The following GRIP1 variants were observed in gnomAD, a reference collection of about 807,000 sequenced individuals.
The protein encoded by GRIP1 is glutamate receptor-interacting protein 1.
Under a neutral mutation model 129.9 loss-of-function variants are expected in GRIP1, and 45 were observed. The observed-to-expected ratio is 0.35, with a 90% CI of 0.27 to 0.44. GRIP1 has a LOEUF of 0.44. GRIP1 is among the 20% of genes least tolerant of loss of function. GRIP1 has a pLI of 1.00. For synonymous variants in GRIP1, 530 were observed against 520.8 expected, an observed-to-expected ratio of 1.02 and a Z score of -0.24; for missense variants, 1,196 against 1,396.8, an observed-to-expected ratio of 0.86 and a Z score of 2.29.
chr12:66,703,098 C>T (rs534625691), intron 1 of GRIP1, among the ~76,000 whole-genome samples: 1 of 152,070 alleles, frequency 6.6e-6, no homozygotes, highest in South Asian at 2.1e-4. Context: ...GATCTAATAG[C>T]CGGGAGAAAA....
chr12:66,627,296 T>TACCAAACAG (rs1410943319), intron 1 of GRIP1, among the ~76,000 whole-genome samples: 2 of 152,228 alleles, frequency 1.3e-5, no homozygotes, highest in African/African-American at 2.4e-5. Flanking sequence ...CTGGCAGGAC[T>TACCAAACAG]ACCAAACAGA....
intron 1 of GRIP1, among the ~76,000 whole-genome samples, chr12:67,003,590 G>C (rs1180564914): frequency 6.6e-6 from 1 of 152,108 alleles, no homozygotes; most frequent in Admixed American, 6.5e-5. Context: ...CTACTCGGGA[G>C]GCTGAGGCAG....
chr12:66,832,219 T>G lies in GRIP1; in HGVS notation c.59-235292A>C, dbSNP rs370035930. Among the ~76,000 whole-genome samples, 40 of 152,322 alleles carry G rather than the reference T, an allele frequency of 2.6e-4. No homozygotes were observed. The South Asian group carries it at 7.0e-3, about 27-fold the overall frequency. ...TCCCTTCTGAAATTCTTACCTTAGT[T>G]TGCAATACCTCTAGAGAAAAATATT... On this transcript the variant is annotated intron_variant, in intron 1 of 1. Transcript: ENST00000643019.
Position 66,455,405 on chromosome 12 carries a change from T to A in GRIP1, c.1354+4A>T, listed in dbSNP as rs780892689. Reference sequence around the variant, plus strand: ...CAAATGCCATTGGCTGTCATTTCACTTACATGAGCTTTTGAAGTCTTTCTT... The same window carrying A: ...CAAATGCCATTGGCTGTCATTTCACATACATGAGCTTTTGAAGTCTTTCTT... On this transcript the variant is annotated splice_donor_region_variant and intron_variant, in intron 11 of 24. Coordinates refer to ENST00000359742, the MANE Select transcript of GRIP1 (RefSeq NM_001366722.1). 6.2e-7 allele frequency: 1 copy of A among 1,613,940 alleles called. No individual in the cohort carries two copies. Among genetic ancestry groups the A allele is most frequent in the African/African-American group, 1.3e-5 (1 of 74,940 alleles).
At chr12:66,411,674 T>C (rs1376814791) in intron 15 of GRIP1, among the ~76,000 whole-genome samples, 1 of 152,162 alleles carries the variant, frequency 6.6e-6, no homozygotes, top group Non-Finnish European at 1.5e-5. Context: ...TGGGTAATAA[T>C]GAACTTCACT....
At chr12:66,744,428 A>G (rs930504319) in intron 1 of GRIP1, among the ~76,000 whole-genome samples, 2 of 152,092 alleles carry the variant, frequency 1.3e-5, no homozygotes, top group Non-Finnish European at 2.9e-5. Context: ...CTACACAGAT[A>G]TTTTTGATGA....
intron 7 of GRIP1, among the ~76,000 whole-genome samples, chr12:66,495,476 T>C (rs1217293407): frequency 1.3e-5 from 2 of 152,198 alleles, no homozygotes; most frequent in Non-Finnish European, 2.9e-5. Flanking sequence ...TTATAATCTA[T>C]AACTAATGAA....
chr12:66,718,148 C>G (rs1016305099), intron 1 of GRIP1, among the ~76,000 whole-genome samples: 2 of 152,142 alleles, frequency 1.3e-5, no homozygotes, highest in Non-Finnish European at 2.9e-5. Flanking sequence ...GCTGGTCACT[C>G]CTCCCCGGCT....
At chr12:66,695,626 G>C (rs928167365) in intron 1 of GRIP1, among the ~76,000 whole-genome samples, 3 of 152,202 alleles carry the variant, frequency 2.0e-5, no homozygotes, top group African/African-American at 7.2e-5. Context: ...AAGCACTGGG[G>C]AGGGAACTAG....
At chr12:66,979,446 G>A (rs957673248) in intron 1 of GRIP1, among the ~76,000 whole-genome samples, 1 of 151,676 alleles carries the variant, frequency 6.6e-6, no homozygotes, top group African/African-American at 2.4e-5. Context: ...AAAAGTTAGA[G>A]CACTACAGCT....
chr12:66,425,143 C>T (rs1336163342), intron 14 of GRIP1, among the ~76,000 whole-genome samples: 1 of 152,150 alleles, frequency 6.6e-6, no homozygotes, highest in Non-Finnish European at 1.5e-5. Flanking sequence ...GACTACTTTG[C>T]TGAGTAAAGA....
At chr12:66,949,851 T>C (rs1453291438) in intron 1 of GRIP1, among the ~76,000 whole-genome samples, 2 of 143,152 alleles carry the variant, frequency 1.4e-5, no homozygotes, top group Non-Finnish European at 3.0e-5. Flanking sequence ...CACTGCAAGC[T>C]CTGCCTCCCA....
At chr12:66,694,917 G>T (rs908574138) in intron 1 of GRIP1, among the ~76,000 whole-genome samples, 1 of 152,216 alleles carries the variant, frequency 6.6e-6, no homozygotes, top group Non-Finnish European at 1.5e-5. Flanking sequence ...GTATGGCTAA[G>T]TGAGATCTCC....
At chr12:66,349,569 A>G (rs774376261) in intron 24 of GRIP1, among the ~76,000 whole-genome samples, 18 of 152,204 alleles carry the variant, frequency 1.2e-4, no homozygotes, top group Admixed American at 5.9e-4. Flanking sequence ...GCAAGCCACA[A>G]AGAGGTTAAG....
rs35452357 is a variant in GRIP1 at position 66,363,200 on chromosome 12, CATATAT to C, written c.3012+8488_3012+8493del. Among the ~76,000 whole-genome samples the C allele has an allele frequency of 1.9e-4, 17 of 88,276 alleles. 2 individuals are homozygous for C. The highest frequency in any genetic ancestry group is 5.0e-4 in the African/African-American group (10 of 20,076). The allele number at this position is 88,276 out of a possible 152,430, so 57.9% of individuals were successfully genotyped here. A position where few individuals can be genotyped will look rare whatever the true frequency, so the allele number is the denominator to read the frequency against. On this transcript the variant is annotated intron_variant, in intron 23 of 24. Coordinates refer to ENST00000359742, the MANE Select transcript of GRIP1 (RefSeq NM_001366722.1). ...ATATGTATATATGTGTGTGTGTGTC[CATATAT>C]ATATATATATATATATATATATAAA...
chr12:66,747,376 A>G (rs1252258135), intron 1 of GRIP1, among the ~76,000 whole-genome samples: 1 of 152,210 alleles, frequency 6.6e-6, no homozygotes. Flanking sequence ...CATGAAAAGA[A>G]TATCTTTCAG....
At chr12:67,004,629 T>C (rs12310197) in intron 1 of GRIP1, among the ~76,000 whole-genome samples, 2,731 of 151,918 alleles carry the variant, frequency 0.018, 86 homozygotes, top group African/African-American at 0.062. Context: ...ATGACCCTGG[T>C]TGGATGGGAA....
chr12:66,850,958 G>T (rs2039900460), intron 1 of GRIP1, among the ~76,000 whole-genome samples: 1 of 148,028 alleles, frequency 6.8e-6, no homozygotes. Flanking sequence ...AACTAATAAT[G>T]CAGCTAAGGT....
intron 1 of GRIP1, among the ~76,000 whole-genome samples, chr12:66,823,427 T>C (rs557816325): frequency 7.2e-5 from 11 of 152,262 alleles, no homozygotes; most frequent in African/African-American, 2.6e-4. Flanking sequence ...CAATAATGTC[T>C]AGCAAAGTAC....
Sources: allele counts gnomAD v4.1 joint callset (sites outside exome capture counted in the v4.1 genomes callset), GRCh38; gene constraint gnomAD v4.1.1; transcripts MANE v1.5; gene names NCBI Gene and HGNC (gene_info 2026-07-23, HGNC 2026-07-21).